Variants in CPA6 observed in about 807,000 individuals in gnomAD.
CPA6 encodes the protein carboxypeptidase B.
In CPA6, 58 loss-of-function variants were observed where a neutral mutation model predicts 63.3. The observed-to-expected ratio is 0.92, with a 90% CI of 0.74 to 1.14. The LOEUF (loss-of-function observed/expected upper bound fraction) is 1.14. Ranked by LOEUF, CPA6 falls within the 50% of genes most tolerant of loss-of-function variation. The pLI is 0.00. For missense variants in CPA6, 565 were observed against 526.6 expected (o/e 1.07, Z -0.71); for synonymous variants, 185 against 179.0 (o/e 1.03, Z -0.27).
intron 1 of CPA6, among the ~76,000 whole-genome samples, chr8:67,700,580 T>C (rs1468133639): frequency 1.3e-5 from 2 of 152,238 alleles, no homozygotes; most frequent in Non-Finnish European, 2.9e-5. Context: ...AATCAACAAA[T>C]GTATAAAGTT....
At chr8:67,612,742 T>C (rs533240829) in intron 2 of CPA6, among the ~76,000 whole-genome samples, 5 of 152,364 alleles carry the variant, frequency 3.3e-5, no homozygotes, top group African/African-American at 1.2e-4. Flanking sequence ...TTTGTGGTTA[T>C]GGCTGATGAA....
At chr8:67,728,092 CA>C (rs1312477436) in intron 1 of CPA6, among the ~76,000 whole-genome samples, 22 of 140,080 alleles carry the variant, frequency 1.6e-4, no homozygotes, top group African/African-American at 4.5e-4. Flanking sequence ...AAAAAAAAAA[CA>C]AAAAAAACCC....
At chr8:67,655,765 C>T (rs918291363) in intron 1 of CPA6, among the ~76,000 whole-genome samples, 1 of 152,100 alleles carries the variant, frequency 6.6e-6, no homozygotes, top group Non-Finnish European at 1.5e-5. Flanking sequence ...AATGTTCAAT[C>T]TCTGCAATCC....
chr8:67,470,310 G>T (rs1290213300), intron 8 of CPA6, among the ~76,000 whole-genome samples: 8 of 152,226 alleles, frequency 5.3e-5, no homozygotes, highest in African/African-American at 1.4e-4. Flanking sequence ...GATTACAAGT[G>T]TGAGCCACCA....
Position 67,618,245 on chromosome 8 carries a change from A to T in CPA6, c.192+5931T>A, listed in dbSNP as rs534734981. ...TCAGATTCTAATTAAGTTGGGAACA[A>T]ATATCTTCCACAGCATGAATTCTAC... On this transcript the variant is annotated intron_variant, in intron 2 of 10. Transcript: ENST00000297770. Among the ~76,000 whole-genome samples the T allele has an allele frequency of 4.6e-5, 7 of 152,322 alleles. No homozygotes were observed. In the South Asian group the frequency reaches 1.2e-3, roughly 27 times the overall value.
chr8:67,574,812 T>C (rs1813581287), intron 2 of CPA6, among the ~76,000 whole-genome samples: 1 of 151,844 alleles, frequency 6.6e-6, no homozygotes, highest in South Asian at 2.1e-4. Flanking sequence ...AACTACATGA[T>C]ATTTCTCCAG....
chr8:67,652,021 G>T (rs1387739884), intron 1 of CPA6, among the ~76,000 whole-genome samples: 1 of 151,814 alleles, frequency 6.6e-6, no homozygotes, highest in East Asian at 1.9e-4. Context: ...GTGATAGTTT[G>T]CTGGGAATGA....
chr8:67,566,138 T>C (rs950547780), intron 2 of CPA6, among the ~76,000 whole-genome samples: 1 of 152,212 alleles, frequency 6.6e-6, no homozygotes, highest in Admixed American at 6.5e-5. Flanking sequence ...TCCAGTGTTC[T>C]TTTGTTTGGC....
intron 8 of CPA6, among the ~76,000 whole-genome samples, chr8:67,460,011 T>TG (rs35636424): frequency 0.12 from 18,120 of 152,034 alleles, 1,183 homozygotes; most frequent in East Asian, 0.24. Context: ...AGTAAAGTCT[T>TG]GGGGGGAAAA....
At position 67,644,292 on chromosome 8, in the gene CPA6, G is replaced by T. The variant is rs530068217; in HGVS notation, c.117-20041C>A. 6.2e-4 allele frequency among the ~76,000 whole-genome samples: 95 copies of T among 152,220 alleles called. 2 individuals carry two copies. The highest frequency in any genetic ancestry group is 1.8e-3 in the Admixed American group (28 of 15,292). On this transcript the variant is annotated intron_variant, in intron 1 of 10. Transcript: ENST00000297770. The stretch of plus-strand genomic sequence containing the variant: ...CGCCACCACGCCTGGCTAATGTTTT[G>T]TATTTTTAGTAGAGACGGCGTTTCA...
intron 2 of CPA6, among the ~76,000 whole-genome samples, chr8:67,533,517 C>T (rs778393448): frequency 1.3e-5 from 2 of 152,158 alleles, no homozygotes; most frequent in South Asian, 2.1e-4. Context: ...CACTATAGTT[C>T]GGATATCAGC....
intron 2 of CPA6, among the ~76,000 whole-genome samples, chr8:67,530,214 C>G: frequency 1.1e-5 from 1 of 92,014 alleles, no homozygotes; most frequent in East Asian, 2.7e-4. Flanking sequence ...GGTAAAAAGA[C>G]AGGAAAAAAA....
chr8:67,487,553 C>A (rs542802228), intron 6 of CPA6, among the ~76,000 whole-genome samples: 7 of 152,210 alleles, frequency 4.6e-5, no homozygotes, highest in Middle Eastern at 6.8e-3. Flanking sequence ...ATTTATAATC[C>A]TTTGGTTATA....
chr8:67,511,773 TA>T, intron 3 of CPA6, 118 bp from the exon 4 acceptor site: 1 of 654,252 alleles, frequency 1.5e-6, no homozygotes, highest in East Asian at 2.5e-5. Context: ...TCAATATTCC[TA>T]AAAATACCAA....
At chr8:67,628,017 C>T (rs980551798) in intron 1 of CPA6, among the ~76,000 whole-genome samples, 1 of 152,070 alleles carries the variant, frequency 6.6e-6, no homozygotes, top group Non-Finnish European at 1.5e-5. Context: ...GATCTCCCAG[C>T]TGCCTTCCAA....
intron 1 of CPA6, among the ~76,000 whole-genome samples, chr8:67,726,594 T>C (rs1416027861): frequency 6.6e-6 from 1 of 152,192 alleles, no homozygotes; most frequent in East Asian, 1.9e-4. Flanking sequence ...CCTCCAGTCA[T>C]TTCAAATGCT....
intron 2 of CPA6, among the ~76,000 whole-genome samples, chr8:67,518,492 T>C (rs1407215319): frequency 6.8e-6 from 1 of 147,894 alleles, no homozygotes; most frequent in Non-Finnish European, 1.5e-5. Flanking sequence ...GTCTTTTTTT[T>C]CTTTTTCTTT....
intron 2 of CPA6, among the ~76,000 whole-genome samples, chr8:67,615,780 G>T (rs1431850816): frequency 1.3e-5 from 2 of 152,190 alleles, no homozygotes; most frequent in African/African-American, 2.4e-5. Context: ...AGATGTTAGG[G>T]TCTAACAGTC....
intron 2 of CPA6, among the ~76,000 whole-genome samples, chr8:67,607,961 G>A (rs1814709032): frequency 6.8e-6 from 1 of 148,064 alleles, no homozygotes; most frequent in African/African-American, 2.4e-5. Flanking sequence ...TATTTCTTGT[G>A]AGTGGGCAGC....
Sources: allele counts gnomAD v4.1 joint callset (sites outside exome capture counted in the v4.1 genomes callset), GRCh38; gene constraint gnomAD v4.1.1; transcripts MANE v1.5; gene names NCBI Gene and HGNC (gene_info 2026-07-23, HGNC 2026-07-21).